The following COL4A2 variants were observed in gnomAD, a reference collection of about 807,000 sequenced individuals.
COL4A2 encodes collagen alpha-2(IV) chain.
Under a neutral mutation model 200.2 loss-of-function variants are expected in COL4A2, and 99 were observed. The ratio of observed to expected loss-of-function variants is 0.49; its 90% CI spans 0.42 to 0.58. The LOEUF is 0.58. Ranked by LOEUF, COL4A2 falls within the 20% of genes least tolerant of loss-of-function variation. The pLI is 0.00. For synonymous variants in COL4A2, 897 were observed against 900.6 expected (o/e 1.00, Z 0.07); for missense variants, 1,950 against 2,314.1 (o/e 0.84, Z 3.23).
chr13:110,417,400 G>A (rs1376883297), intron 4 of COL4A2, among the ~76,000 whole-genome samples: 8 of 152,132 alleles, frequency 5.3e-5, no homozygotes, highest in South Asian at 4.1e-4. Flanking sequence ...AATCTCGGTC[G>A]CCGGGCAACA....
At chr13:110,449,847 A>G (rs1290730113) in intron 19 of COL4A2, 58 bp downstream of exon 19, 1 of 1,491,402 alleles carries the variant, frequency 6.7e-7, no homozygotes, top group East Asian at 2.5e-5. Context: ...CTCAGGTCCT[A>G]GCACACACAA....
Position 110,394,322 on chromosome 13 carries a change from G to A in COL4A2, c.181-30412G>A, listed in dbSNP as rs79140531. 1.7e-3 allele frequency among the ~76,000 whole-genome samples: 257 copies of A among 152,288 alleles called. 1 individual carries two copies. Among genetic ancestry groups the A allele is most frequent in the African/African-American group, 5.9e-3 (245 of 41,544 alleles). ...CCCCCTTTAACATGAGGAGCAGAGA[G>A]GCTCAGTAGTTTGCCACTTGTCCAC... On this transcript the variant is annotated intron_variant, in intron 4 of 47. Coordinates refer to ENST00000360467, the MANE Select transcript of COL4A2 (RefSeq NM_001846.4).
At chr13:110,454,673 C>T (rs755823416) in intron 20 of COL4A2, among the ~76,000 whole-genome samples, 19 of 152,094 alleles carry the variant, frequency 1.2e-4, no homozygotes, top group African/African-American at 2.9e-4. Context: ...CACTGGCCCC[C>T]GACATCTCTC....
At chr13:110,466,083 G>A (rs1461809491) in intron 26 of COL4A2, 21 bp downstream of exon 26, 1 of 1,611,716 alleles carries the variant, frequency 6.2e-7, no homozygotes, top group Admixed American at 1.7e-5. Flanking sequence ...AAGTGCAGGT[G>A]GCTTTAGGAC....
intron 27 of COL4A2, 91 bp from the exon 28 acceptor site, chr13:110,469,126 T>G: frequency 1.9e-4 from 265 of 1,413,386 alleles, no homozygotes; most frequent in Non-Finnish European, 2.4e-4. Context: ...CCCGGTTTCA[T>G]GAGATCCACA....
At chr13:110,474,416 T>C (rs919585358) in intron 29 of COL4A2, among the ~76,000 whole-genome samples, 6 of 152,112 alleles carry the variant, frequency 3.9e-5, no homozygotes, top group Non-Finnish European at 5.9e-5. Context: ...CCTGGAAGGG[T>C]TGGGACCCAG....
intron 4 of COL4A2, among the ~76,000 whole-genome samples, chr13:110,386,465 C>A (rs1216348553): frequency 6.6e-6 from 1 of 152,156 alleles, no homozygotes; most frequent in African/African-American, 2.4e-5. Context: ...CATTTCTAGC[C>A]ATGCAATTGG....
At position 110,512,368 on chromosome 13, in the gene COL4A2, T is replaced by C; in HGVS notation, c.*177T>C. On this transcript the variant is annotated 3_prime_UTR_variant, in exon 48 of 48. Transcript: ENST00000360467. ...ACTGTCACCGAGCGGGTGCAAGCAC[T>C]CGGGGTCCCTGGAGGGCAAGCCCTG... 1 of 1,117,818 alleles carries C rather than the reference T, an allele frequency of 8.9e-7. No individual in the cohort carries two copies. The highest frequency in any genetic ancestry group is 1.2e-6 in the Non-Finnish European group (1 of 813,582). The allele number at this position is 1,117,818 out of a possible 1,614,324, so 69.2% of individuals were successfully genotyped here.
intron 7 of COL4A2, 82 bp downstream of exon 7, chr13:110,428,665 C>A: frequency 1.3e-6 from 1 of 742,206 alleles, no homozygotes; most frequent in Non-Finnish European, 2.1e-6. Flanking sequence ...GGGAGCCTCC[C>A]GCTCACTGTG....
chr13:110,405,442 C>A, intron 4 of COL4A2, among the ~76,000 whole-genome samples: 1 of 152,208 alleles, frequency 6.6e-6, no homozygotes, highest in Non-Finnish European at 1.5e-5. Flanking sequence ...CCCCGGCCCC[C>A]ACCCCTTCCT....
chr13:110,469,912 T>TTTTTTTC (rs1882399551), intron 28 of COL4A2, among the ~76,000 whole-genome samples: 1 of 143,146 alleles, frequency 7.0e-6, no homozygotes, highest in Non-Finnish European at 1.5e-5. Context: ...ACGTCTTTTT[T>TTTTTTTC]TTTTTTTTTT....
chr13:110,405,124 CAAAG>C (rs1879514667), intron 4 of COL4A2, among the ~76,000 whole-genome samples: 1 of 151,984 alleles, frequency 6.6e-6, no homozygotes, highest in South Asian at 2.1e-4. Context: ...CAAAATTAAA[CAAAG>C]AAATAAATAA....
chr13:110,473,010 G>A lies in COL4A2; in HGVS notation c.2285G>A (p.Gly762Glu), dbSNP rs1882538642. The change falls in exon 29 of 48, where the codon GGG becomes GAG. Residue 762 changes from glycine (G) to glutamate (E), a missense_variant. By Grantham distance (98) the Gly-to-Glu change is moderately conservative. Transcript: ENST00000360467. Reference sequence around the variant, plus strand: ...TCCCCAGGTCCCATCGGCCTGCCAGGGCCAGATGGGCCCCCTGGGGAAAGG... The same window carrying A: ...TCCCCAGGTCCCATCGGCCTGCCAGAGCCAGATGGGCCCCCTGGGGAAAGG... ...DGSPGPIGLP[G>E]PDGPPGERGL... 2 of 1,523,196 alleles carry A rather than the reference G, an allele frequency of 1.3e-6. No homozygotes were observed. The highest frequency in any genetic ancestry group is 1.8e-6 in the Non-Finnish European group (2 of 1,136,192). 94.4% of individuals were successfully genotyped at this position (1,523,196 alleles called of 1,614,324 possible).
intron 4 of COL4A2, among the ~76,000 whole-genome samples, chr13:110,415,492 A>G (rs905842223): frequency 2.0e-5 from 3 of 152,220 alleles, no homozygotes; most frequent in African/African-American, 7.2e-5. Context: ...CATCACAGCC[A>G]GTTCAAACCC....
At chr13:110,472,318 T>C (rs992809935) in intron 28 of COL4A2, among the ~76,000 whole-genome samples, 1 of 152,048 alleles carries the variant, frequency 6.6e-6, no homozygotes, top group African/African-American at 2.4e-5. Flanking sequence ...GGTTTCACCG[T>C]GTTAGCCAGG....
At chr13:110,321,243 T>C (rs56138716) in intron 3 of COL4A2, among the ~76,000 whole-genome samples, 38 of 126,880 alleles carry the variant, frequency 3.0e-4, no homozygotes, top group African/African-American at 1.7e-3. Context: ...CACACACACA[T>C]AGAGAGTGTA....
In COL4A2 at chr13:110,496,893, G is replaced by T. The variant is rs546526148; in HGVS notation, c.3760+1426G>T. On this transcript the variant is annotated intron_variant, in intron 40 of 47. Coordinates refer to ENST00000360467, the MANE Select transcript of COL4A2 (RefSeq NM_001846.4). ...AGTCCACCAGCACAGCCTCAGTCAG[G>T]GGTGAGGATCTAGGGTCAGTCCACC... 2.0e-5 allele frequency among the ~76,000 whole-genome samples: 3 copies of T among 148,896 alleles called. No individual in the cohort carries two copies. The East Asian group carries it at 6.0e-4, about 30-fold the overall frequency.
At chr13:110,333,388 C>T (rs1876018694) in intron 3 of COL4A2, among the ~76,000 whole-genome samples, 1 of 152,212 alleles carries the variant, frequency 6.6e-6, no homozygotes, top group Non-Finnish European at 1.5e-5. Context: ...CAGCCTACTT[C>T]GTCCAAGCCA....
At chr13:110,407,726 G>A (rs548145856) in intron 4 of COL4A2, among the ~76,000 whole-genome samples, 1 of 152,156 alleles carries the variant, frequency 6.6e-6, no homozygotes, top group Non-Finnish European at 1.5e-5. Context: ...CAGAGGAAAC[G>A]GCAGACTCCG....
Sources: allele counts gnomAD v4.1 joint callset (sites outside exome capture counted in the v4.1 genomes callset), GRCh38; gene constraint gnomAD v4.1.1; transcripts MANE v1.5; gene names NCBI Gene and HGNC (gene_info 2026-07-23, HGNC 2026-07-21).